TECPR1: variants seen among roughly 807,000 people sequenced by gnomAD.
The protein encoded by TECPR1 is tectonin beta-propeller repeat containing 1, also known as tectonin beta-propeller repeat-containing protein 1.
TECPR1 carries 122 observed loss-of-function variants against 162.4 expected under a neutral mutation model. The observed-to-expected ratio is 0.75, with a 90% CI of 0.65 to 0.87. The LOEUF (loss-of-function observed/expected upper bound fraction) is 0.87. Ranked by LOEUF, TECPR1 falls within the 40% of genes least tolerant of loss-of-function variation. The pLI, the probability that TECPR1 is intolerant of heterozygous loss-of-function variation, is 0.00. For synonymous variants in TECPR1, 642 were observed against 670.6 expected (o/e 0.96, Z 0.66); for missense variants, 1,432 against 1,618.2 (o/e 0.88, Z 1.97).
Position 98,241,840 on chromosome 7 carries a change from C to T in TECPR1, c.658-596G>A, listed in dbSNP as rs1798757723. On this transcript the variant is annotated intron_variant, in intron 6 of 25. Coordinates refer to ENST00000447648, the MANE Select transcript of TECPR1 (RefSeq NM_015395.3). This position sits in a 1 kb window ranked among gnomAD's most constrained non-coding sequence, Gnocchi z 5.0. ...CTACAGCAGGCCCTGCAGGACCAGGCCTAGGAGCCTCCCTTCGGCTAGCAG... is the reference window on the plus strand; with the variant it reads ...CTACAGCAGGCCCTGCAGGACCAGGTCTAGGAGCCTCCCTTCGGCTAGCAG... 1.3e-5 allele frequency among the ~76,000 whole-genome samples: 2 copies of T among 152,182 alleles called. No individual in the cohort carries two copies. Among genetic ancestry groups the T allele is most frequent in the Admixed American group, 6.5e-5 (1 of 15,288 alleles).
At chr7:98,243,371 G>A in intron 6 of TECPR1, 96 bp downstream of exon 6, 1 of 1,501,624 alleles carries the variant, frequency 6.7e-7, no homozygotes, top group Non-Finnish European at 8.9e-7. Context: ...GGGGGCCGGG[G>A]CTCCGGGGAG....
At position 98,223,023 on chromosome 7, in the gene TECPR1, C is replaced by T. The variant is rs1300397135; in HGVS notation, c.2895G>A (p.Leu965=). ...TGAGCTCCGACACGCCCAGGCGGCA[C>T]AGCACATCCCCCTTGTCGCTGACGG... ...LWAVSDKGDV[L]CRLGVSELNP... Residue 965 remains leucine (L), a synonymous_variant, in exon 21 of 26, where the codon CTG becomes CTA. Coordinates refer to ENST00000447648, the MANE Select transcript of TECPR1 (RefSeq NM_015395.3). 1.2e-6 allele frequency: 2 copies of T among 1,611,752 alleles called. No individual in the cohort carries two copies. Among genetic ancestry groups the T allele is most frequent in the African/African-American group, 1.3e-5 (1 of 74,910 alleles).
At chr7:98,236,622 C>CTTGTGGCTT (rs1447787116) in intron 10 of TECPR1, among the ~76,000 whole-genome samples, 154 bp downstream of exon 10, 1 of 151,366 alleles carries the variant, frequency 6.6e-6, no homozygotes, top group Non-Finnish European at 1.5e-5. Context: ...GGCTTCGGCT[C>CTTGTGGCTT]TTGTGGCTTT....
intron 6 of TECPR1, among the ~76,000 whole-genome samples, chr7:98,242,883 C>T (rs1490424259): frequency 2.7e-4 from 25 of 91,606 alleles, no homozygotes; most frequent in African/African-American, 5.8e-4. Context: ...TATCCATCTA[C>T]CCATACACCC....
At position 98,231,092 on chromosome 7, in the gene TECPR1, G is replaced by A. The variant is rs781079517; in HGVS notation, c.2151C>T (p.Cys717=). Reference sequence around the variant, plus strand: ...GGCGGCCCTGCACCTTCCGGCTCTCGCAGCAAGACAGGCTGAGCAGGGCGA... The same window carrying A: ...GGCGGCCCTGCACCTTCCGGCTCTCACAGCAAGACAGGCTGAGCAGGGCGA... ...DWLALLSLSC[C]ESRKVQGRPS... The change falls in exon 15 of 26, where the codon TGC becomes TGT. Residue 717 remains cysteine (C), a synonymous_variant. Coordinates refer to ENST00000447648, the MANE Select transcript of TECPR1 (RefSeq NM_015395.3). The A allele has an allele frequency of 3.1e-6, 5 of 1,603,520 alleles. No individual in the cohort carries two copies. Among genetic ancestry groups the A allele is most frequent in the South Asian group, 2.2e-5 (2 of 89,726 alleles).
intron 17 of TECPR1, chr7:98,226,680 G>A (rs1259061300): frequency 4.2e-6 from 5 of 1,190,036 alleles, no homozygotes; most frequent in African/African-American, 3.2e-5. Context: ...GATGATGCCT[G>A]TAATCTCAAC....
intron 9 of TECPR1, among the ~76,000 whole-genome samples, chr7:98,237,807 C>T (rs1431961675): frequency 1.3e-5 from 2 of 152,110 alleles, no homozygotes; most frequent in African/African-American, 4.8e-5. Context: ...CTCACTCTGT[C>T]ACCCAGGCTG....
At chr7:98,228,951 T>C in intron 16 of TECPR1, 88 bp downstream of exon 16, 1 of 1,486,862 alleles carries the variant, frequency 6.7e-7, no homozygotes. Context: ...ACTGGGACAA[T>C]GGCCCTGGCC....
chr7:98,229,053 C>T lies in TECPR1; in HGVS notation c.2396G>A (p.Gly799Asp). The change falls in exon 16 of 26, where the codon GGC (glycine) becomes GAC (aspartate). Residue 799 changes from glycine (G) to aspartate (D), a missense_variant. Physicochemically the swap from Gly to Asp is moderately conservative, Grantham distance 94. Coordinates refer to ENST00000447648, the MANE Select transcript of TECPR1 (RefSeq NM_015395.3). ...GCCGCCCTCACCTTGGAAGCAGCCG[C>T]CTCCATAGCCGCCTGTGTATACCCA... The part of the protein sequence containing the change: ...TAWVYTGGYG[G>D]GCFQGLASST... 6.3e-7 allele frequency: 1 copy of T among 1,597,058 alleles called. No individual in the cohort carries two copies. The highest frequency in any genetic ancestry group is 1.1e-5 in the South Asian group (1 of 88,752).
rs757523934 is a variant in TECPR1 at position 98,223,715 on chromosome 7, T to G, written c.2694A>C (p.Ser898=). The G allele has an allele frequency of 3.1e-6, 5 of 1,613,446 alleles. No homozygotes were observed. The East Asian group carries it at 8.9e-5, about 29-fold the overall frequency. ...CCTTCATCGTTTTGGACCCATGGTATGAGCTGCAAGGAGGAAGAAGATGAA... is the reference window on the plus strand; with the variant it reads ...CCTTCATCGTTTTGGACCCATGGTAGGAGCTGCAAGGAGGAAGAAGATGAA... ...GWQYASDFPA[S]YHGSKTMKDF... Residue 898 remains serine, a synonymous_variant, in exon 20 of 26, where the codon TCA becomes TCC. Coordinates refer to ENST00000447648, the MANE Select transcript of TECPR1 (RefSeq NM_015395.3).
chr7:98,232,550 T>C lies in TECPR1; in HGVS notation c.1818+277A>G, dbSNP rs1310275334. On this transcript the variant is annotated intron_variant, in intron 12 of 25. Coordinates refer to ENST00000447648, the MANE Select transcript of TECPR1 (RefSeq NM_015395.3). This position sits in a 1 kb window ranked among gnomAD's most constrained non-coding sequence, Gnocchi z 4.6. ...AAGAGGATGACGTGGTTCCCCTCCC[T>C]GGCCACCCTCCCTTCCCCACCCACC... Among the ~76,000 whole-genome samples the C allele has an allele frequency of 6.6e-6, 1 of 151,844 alleles. No individual in the cohort carries two copies. The highest frequency in any genetic ancestry group is 1.5e-5 in the Non-Finnish European group (1 of 67,940).
chr7:98,231,546 C>T, intron 13 of TECPR1, 173 bp from the exon 14 acceptor site: 2 of 624,334 alleles, frequency 3.2e-6, no homozygotes, highest in East Asian at 3.4e-5. Flanking sequence ...TCCCCAGGCA[C>T]CCCCATTTCT....
intron 24 of TECPR1, 24 bp from the exon 25 acceptor site, chr7:98,217,835 C>T: frequency 2.6e-6 from 4 of 1,545,518 alleles, no homozygotes; most frequent in East Asian, 2.5e-5. Flanking sequence ...CCCATGAAGC[C>T]CTCAGCCCTA....
chr7:98,230,853 G>T (rs1054093047), intron 15 of TECPR1, 108 bp downstream of exon 15: 2 of 1,402,784 alleles, frequency 1.4e-6, no homozygotes, highest in Non-Finnish European at 1.9e-6. Flanking sequence ...CCTGGTCAGC[G>T]AGAAGCTTGA....
rs1339799288 is a variant in TECPR1, at chr7:98,241,655, T to G, written c.658-411A>C. Among the ~76,000 whole-genome samples the G allele has an allele frequency of 6.6e-6, 1 of 152,174 alleles. No individual in the cohort carries two copies. The highest frequency in any genetic ancestry group is 1.5e-5 in the Non-Finnish European group (1 of 68,024). On this transcript the variant is annotated intron_variant, in intron 6 of 25. Transcript: ENST00000447648. The surrounding 1 kb of genome is among the most constrained non-coding windows in gnomAD (Gnocchi z 5.0). Reference sequence around the variant, plus strand: ...AGTTCTTTTTTCCTTCACTGAATGGTTAAGACTGGGAGCAACGTGCTCAGA... The same window carrying G: ...AGTTCTTTTTTCCTTCACTGAATGGGTAAGACTGGGAGCAACGTGCTCAGA...
In TECPR1 at chr7:98,241,069, C is replaced by G; in HGVS notation, c.832+1G>C. The G allele has an allele frequency of 6.2e-7, 1 of 1,603,520 alleles. No individual in the cohort carries two copies. The highest frequency in any genetic ancestry group is 8.5e-7 in the Non-Finnish European group (1 of 1,174,554). ...GTGGGTGGGGGAGCCGGGCTGCCCA[C>G]CTTTGGGATTGCTCCTGTTGATTCC... On this transcript the variant is annotated splice_donor_variant, in intron 7 of 25. Transcript: ENST00000447648. LOFTEE classifies it high-confidence loss of function. This position sits in a 1 kb window ranked among gnomAD's most constrained non-coding sequence, Gnocchi z 5.0.
intron 6 of TECPR1, among the ~76,000 whole-genome samples, chr7:98,243,198 C>T (rs1031745963): frequency 3.9e-5 from 6 of 152,128 alleles, no homozygotes; most frequent in African/African-American, 1.2e-4. Context: ...CTGTCACCCA[C>T]ACACCCACCC....
intron 13 of TECPR1, 121 bp downstream of exon 13, chr7:98,231,683 C>A: frequency 7.7e-7 from 1 of 1,298,678 alleles, no homozygotes; most frequent in Non-Finnish European, 1.1e-6. Context: ...TTCTGTGTCC[C>A]TCCCTGGGCA....
rs1798481778 is a variant in TECPR1 at position 98,232,869 on chromosome 7, C to T, written c.1776G>A (p.Arg592=). ...IFQQLTERTK[R]ELENFRHYEQ... ...CGTAGTGTCTGAAGTTCTCCAGCTC[C>T]CGCTTGGTCCTTTCCGTGAGCTGCT... Residue 592 remains arginine, a synonymous_variant, in exon 12 of 26, where the codon CGG becomes CGA. Transcript: ENST00000447648. This position sits in a 1 kb window ranked among gnomAD's most constrained non-coding sequence, Gnocchi z 4.6. 1 of 1,612,528 alleles carries T rather than the reference C, an allele frequency of 6.2e-7. No individual in the cohort carries two copies. The highest frequency in any genetic ancestry group is 8.5e-7 in the Non-Finnish European group (1 of 1,179,704).
Sources: allele counts gnomAD v4.1 joint callset (sites outside exome capture counted in the v4.1 genomes callset), GRCh38; gene constraint gnomAD v4.1.1; non-coding constraint Gnocchi (gnomAD v3.1); transcripts MANE v1.5; gene names NCBI Gene and HGNC (gene_info 2026-07-23, HGNC 2026-07-21).